ADAM12: variants seen among roughly 807,000 people sequenced by gnomAD.
ADAM12 encodes ADAM metallopeptidase domain 12.
In ADAM12, 70 loss-of-function variants were observed where a neutral mutation model predicts 106.4. The ratio of observed to expected loss-of-function variants is 0.66; its 90% CI spans 0.54 to 0.80. ADAM12 has a LOEUF of 0.80. ADAM12 is among the 30% of genes least tolerant of loss of function. ADAM12 has a pLI of 0.00. For synonymous variants in ADAM12, 420 were observed against 433.5 expected, an observed-to-expected ratio of 0.97 and a Z score of 0.39; for missense variants, 1,010 against 1,171.9, an observed-to-expected ratio of 0.86 and a Z score of 2.02.
chr10:126,109,661 T>C (rs1165457200), intron 7 of ADAM12, 114 bp downstream of exon 7: 4 of 853,094 alleles, frequency 4.7e-6, no homozygotes, highest in Non-Finnish European at 7.2e-6. Flanking sequence ...TTTCCATTGC[T>C]TTTAAGAGCA....
At chr10:126,301,628 A>T (rs1960628427) in intron 2 of ADAM12, among the ~76,000 whole-genome samples, 1 of 152,144 alleles carries the variant, frequency 6.6e-6, no homozygotes, top group Non-Finnish European at 1.5e-5. Flanking sequence ...TTGGAGAAGC[A>T]GGTTGTATTT....
intron 2 of ADAM12, among the ~76,000 whole-genome samples, chr10:126,328,985 C>T (rs1262215560): frequency 6.6e-6 from 1 of 152,082 alleles, no homozygotes; most frequent in Non-Finnish European, 1.5e-5. Flanking sequence ...GGTCACAAAC[C>T]AGAGAAGGCC....
At chr10:126,339,333 T>C (rs891384277) in intron 1 of ADAM12, among the ~76,000 whole-genome samples, 6 of 152,250 alleles carry the variant, frequency 3.9e-5, no homozygotes, top group African/African-American at 1.2e-4. Context: ...TTTTTAATCT[T>C]CATCTCCCAG....
intron 8 of ADAM12, among the ~76,000 whole-genome samples, chr10:126,102,658 C>T (rs993194640): frequency 1.3e-5 from 2 of 152,138 alleles, no homozygotes; most frequent in African/African-American, 4.8e-5. Flanking sequence ...TTGCATTGGT[C>T]CAACTTGGTT....
intron 8 of ADAM12, among the ~76,000 whole-genome samples, chr10:126,106,727 G>A (rs1445595405): frequency 1.3e-5 from 2 of 151,934 alleles, no homozygotes; most frequent in Non-Finnish European, 2.9e-5. Context: ...CTCGTGATCC[G>A]CCCGCCTCGG....
At chr10:126,089,721 C>G (rs542631618) in intron 11 of ADAM12, among the ~76,000 whole-genome samples, 6 of 152,238 alleles carry the variant, frequency 3.9e-5, no homozygotes, top group African/African-American at 9.6e-5. Context: ...TCCAGCCCCC[C>G]ACAGCCCCAA....
chr10:126,037,435 G>A (rs1009119294), intron 20 of ADAM12, among the ~76,000 whole-genome samples: 1 of 152,082 alleles, frequency 6.6e-6, no homozygotes, highest in Non-Finnish European at 1.5e-5. Flanking sequence ...CCTCCTCCTT[G>A]GAGCCCCACC....
In ADAM12 at chr10:126,246,305, C is replaced by T. The variant is rs1426953630; in HGVS notation, c.260+32610G>A. Among the ~76,000 whole-genome samples, 25 of 152,124 alleles carry T rather than the reference C, an allele frequency of 1.6e-4. 1 individual carries two copies. The highest frequency in any genetic ancestry group is 1.6e-3 in the Admixed American group (25 of 15,280). On this transcript the variant is annotated intron_variant, in intron 3 of 22. Transcript: ENST00000448723. ...CTTGACTCTCCAATTTATTTTGAAC[C>T]TGTTGTAAAATGCCCCAGATTTTAT...
At chr10:126,374,946 G>T (rs1856230645) in intron 1 of ADAM12, among the ~76,000 whole-genome samples, 1 of 151,820 alleles carries the variant, frequency 6.6e-6, no homozygotes, top group Non-Finnish European at 1.5e-5. Context: ...CACCACCAAA[G>T]AACTACCTTA....
At chr10:126,061,639 C>G (rs1203435970) in intron 14 of ADAM12, among the ~76,000 whole-genome samples, 1 of 152,128 alleles carries the variant, frequency 6.6e-6, no homozygotes, top group Non-Finnish European at 1.5e-5. Flanking sequence ...AGGGATGTGA[C>G]TACAGAAGCA....
At chr10:126,190,908 A>G (rs1434050849) in intron 3 of ADAM12, among the ~76,000 whole-genome samples, 1 of 146,758 alleles carries the variant, frequency 6.8e-6, no homozygotes, top group Non-Finnish European at 1.5e-5. Flanking sequence ...AATGCTGGAG[A>G]GGTTGACAGG....
intron 10 of ADAM12, among the ~76,000 whole-genome samples, chr10:126,096,583 AT>A (rs1210832876): frequency 6.6e-6 from 1 of 152,198 alleles, no homozygotes; most frequent in Non-Finnish European, 1.5e-5. Context: ...TTCCTCTTAG[AT>A]TTGTGGTCCT....
In ADAM12 at chr10:126,155,244, G is replaced by A. The variant is rs1417435354; in HGVS notation, c.322C>T (p.Leu108Phe). ...AGAATTACCGTGTAATTTCGAGCGA[G>A]GGAGACATCAGTACCGTCTTGCAGA... ...HYLQDGTDVS[L>F]ARNYTGHCYY... Residue 108 changes from leucine (L) to phenylalanine (F), a missense_variant, in exon 4 of 23, where the codon CTC becomes TTC. Leu to Phe is a conservative substitution (Grantham distance 22, BLOSUM62 0). Around this residue, in one of 3 missense-constraint regions of ADAM12, gnomAD observed 391 missense variants for 442.9 expected, o/e 0.88. Coordinates refer to ENST00000448723, the MANE Select transcript of ADAM12 (RefSeq NM_001288973.2). 1 of 1,614,100 alleles carries A rather than the reference G, an allele frequency of 6.2e-7. No individual in the cohort carries two copies. The highest frequency in any genetic ancestry group is 1.3e-5 in the African/African-American group (1 of 75,018).
At chr10:126,143,630 T>C (rs1484024811) in intron 4 of ADAM12, among the ~76,000 whole-genome samples, 1 of 151,522 alleles carries the variant, frequency 6.6e-6, no homozygotes, top group African/African-American at 2.4e-5. Flanking sequence ...CGTGGGTGTG[T>C]GTATACACGT....
chr10:126,075,779 G>A (rs1026968549), intron 11 of ADAM12, among the ~76,000 whole-genome samples: 1 of 152,152 alleles, frequency 6.6e-6, no homozygotes, highest in Non-Finnish European at 1.5e-5. Context: ...CACACACCCA[G>A]AGAGGCAACC....
chr10:126,083,138 G>A (rs1009231200), intron 11 of ADAM12, among the ~76,000 whole-genome samples: 6 of 152,204 alleles, frequency 3.9e-5, no homozygotes, highest in South Asian at 2.1e-4. Flanking sequence ...TGCCTGGAGC[G>A]GGGCTGGCCA....
intron 11 of ADAM12, among the ~76,000 whole-genome samples, chr10:126,077,157 T>C (rs966641159): frequency 2.0e-5 from 3 of 152,012 alleles, no homozygotes; most frequent in Admixed American, 1.3e-4. Context: ...TTTGCAATAG[T>C]CACACAGAAA....
intron 1 of ADAM12, among the ~76,000 whole-genome samples, chr10:126,378,588 A>G (rs993181635): frequency 6.6e-6 from 1 of 152,228 alleles, no homozygotes; most frequent in Non-Finnish European, 1.5e-5. Flanking sequence ...GTGTACACAC[A>G]CACGAACCAA....
chr10:126,308,993 T>TC (rs1273499019), intron 2 of ADAM12, among the ~76,000 whole-genome samples: 1 of 152,172 alleles, frequency 6.6e-6, no homozygotes, highest in East Asian at 1.9e-4. Flanking sequence ...TGCCTTCTAT[T>TC]CACCTCTTAT....
Sources: allele counts gnomAD v4.1 joint callset (sites outside exome capture counted in the v4.1 genomes callset), GRCh38; gene constraint gnomAD v4.1.1; regional missense constraint gnomAD v4.1.1; transcripts MANE v1.5; gene names NCBI Gene and HGNC (gene_info 2026-07-23, HGNC 2026-07-21).